MVP: variants seen among roughly 807,000 people sequenced by gnomAD.
MVP encodes major vault protein, also known as lung resistance-related protein.
MVP carries 62 observed loss-of-function variants against 83.5 expected under a neutral mutation model. The observed-to-expected ratio is 0.74, with a 90% CI of 0.61 to 0.92. The LOEUF (loss-of-function observed/expected upper bound fraction) is 0.92. MVP is among the 40% of genes least tolerant of loss of function. The pLI, the probability that MVP is intolerant of heterozygous loss-of-function variation, is 0.00. For missense variants in MVP, 1,000 were observed against 1,203.4 expected, an observed-to-expected ratio of 0.83 and a Z score of 2.50; for synonymous variants, 505 against 504.1, an observed-to-expected ratio of 1.00 and a Z score of -0.02.
intron 6 of MVP, 92 bp from the exon 7 acceptor site, chr16:29,836,630 G>A: frequency 2.1e-6 from 2 of 958,034 alleles, no homozygotes; most frequent in Non-Finnish European, 3.1e-6. Context: ...CTGAGATCTG[G>A]GAGCATTGGG....
At chr16:29,836,577 T>TAAAAAAA in intron 6 of MVP, 145 bp from the exon 7 acceptor site, 1 of 578,176 alleles carries the variant, frequency 1.7e-6, no homozygotes, top group Non-Finnish European at 2.8e-6. Flanking sequence ...GACTCCGATT[T>TAAAAAAA]AAAAAAAAAA....
chr16:29,842,436 G>A (rs1294491534), intron 10 of MVP, among the ~76,000 whole-genome samples: 1 of 152,088 alleles, frequency 6.6e-6, no homozygotes, highest in Non-Finnish European at 1.5e-5. Flanking sequence ...CTCCCAAGTG[G>A]CTAGGATTAC....
rs997290717 is a variant in MVP at position 29,821,393 on chromosome 16, T to G, written c.-36+883T>G. On this transcript the variant is annotated intron_variant, in intron 1 of 14. Transcript: ENST00000357402. ...CCCTCTGTATGTAGCCTTGAGCAGGTAGGGGGGCCACCTTGAGTGGGTGGC... is the reference window on the plus strand; with the variant it reads ...CCCTCTGTATGTAGCCTTGAGCAGGGAGGGGGGCCACCTTGAGTGGGTGGC... 9.2e-5 allele frequency: 14 copies of G among 152,074 alleles called. 1 individual carries two copies. Among genetic ancestry groups the G allele is most frequent in the Admixed American group, 4.6e-4 (7 of 15,258 alleles). 9.4% of individuals were successfully genotyped at this position (152,074 alleles called of 1,614,324 possible).
At chr16:29,828,348 A>G (rs988137464) in intron 1 of MVP, among the ~76,000 whole-genome samples, 1 of 152,074 alleles carries the variant, frequency 6.6e-6, no homozygotes, top group African/African-American at 2.4e-5. Context: ...TCATTGTAGA[A>G]AGCTCTATTG....
At chr16:29,828,350 G>T (rs998609535) in intron 1 of MVP, among the ~76,000 whole-genome samples, 2 of 152,108 alleles carry the variant, frequency 1.3e-5, no homozygotes, top group African/African-American at 4.8e-5. Flanking sequence ...ATTGTAGAAA[G>T]CTCTATTGGA....
chr16:29,846,301 A>G lies in MVP; in HGVS notation c.2265+17A>G, dbSNP rs1165378138. ...ATTGAAACGGTGAGTGGGGGGAGGCATTAAGAAGAGGGTGGCCTTGAGTCC... is the reference window on the plus strand; with the variant it reads ...ATTGAAACGGTGAGTGGGGGGAGGCGTTAAGAAGAGGGTGGCCTTGAGTCC... On this transcript the variant is annotated intron_variant, in intron 13 of 14. Coordinates refer to ENST00000357402, the MANE Select transcript of MVP (RefSeq NM_005115.5). 7 of 1,549,660 alleles carry G rather than the reference A, an allele frequency of 4.5e-6. 1 individual carries two copies. Among genetic ancestry groups the G allele is most frequent in the Non-Finnish European group, 6.1e-6 (7 of 1,145,508 alleles).
At position 29,846,298 on chromosome 16, in the gene MVP, G is replaced by A. The variant is rs1474664902; in HGVS notation, c.2265+14G>A. The A allele has an allele frequency of 3.2e-6, 5 of 1,551,052 alleles. No individual in the cohort carries two copies. Among genetic ancestry groups the A allele is most frequent in the Non-Finnish European group, 4.4e-6 (5 of 1,146,206 alleles). ...GCCATTGAAACGGTGAGTGGGGGGA[G>A]GCATTAAGAAGAGGGTGGCCTTGAG... On this transcript the variant is annotated intron_variant, in intron 13 of 14. Coordinates refer to ENST00000357402, the MANE Select transcript of MVP (RefSeq NM_005115.5).
At position 29,839,783 on chromosome 16, in the gene MVP, C is replaced by CAAA. The variant is rs71373206; in HGVS notation, c.910-372_910-370dup. Among the ~76,000 whole-genome samples, 436 of 46,970 alleles carry CAAA rather than the reference C, an allele frequency of 9.3e-3. 32 individuals carry two copies. The highest frequency in any genetic ancestry group is 0.026 in the African/African-American group (272 of 10,322). 30.8% of individuals were successfully genotyped at this position (46,970 alleles called of 152,430 possible). ...CCTGGGCAAGAGAGGAAGACTATCT[C>CAAA]AAAAAAAAAAAAAAAAAAAAAAAAA... On this transcript the variant is annotated intron_variant, in intron 7 of 14. Coordinates refer to ENST00000357402, the MANE Select transcript of MVP (RefSeq NM_005115.5).
Position 29,841,484 on chromosome 16 carries a change from T to C in MVP, c.1192-112T>C. The C allele has an allele frequency of 2.2e-6, 3 of 1,351,574 alleles. No homozygotes were observed. Among genetic ancestry groups the C allele is most frequent in the Non-Finnish European group, 3.0e-6 (3 of 1,009,978 alleles). The allele number at this position is 1,351,574 out of a possible 1,614,324, so 83.7% of individuals were successfully genotyped here. A position where few individuals can be genotyped will look rare whatever the true frequency, so the allele number is the denominator to read the frequency against. ...GAGCCTGGCCTCCCCGTAGAGAAGG[T>C]GTTTAACCTCGTGGCGCGCCTTCCC... On this transcript the variant is annotated intron_variant, in intron 8 of 14. Transcript: ENST00000357402. This position sits in a 1 kb window ranked among gnomAD's most constrained non-coding sequence, Gnocchi z 4.7.
chr16:29,828,035 A>G lies in MVP; in HGVS notation c.-35-2480A>G, dbSNP rs1030256924. ...TAGTGCAATGGCGAGATCTTGGCTC[A>G]CTGCAACCTCTGCCTCCCAGGTTCA... is the stretch of plus-strand genomic sequence containing the variant. On this transcript the variant is annotated intron_variant, in intron 1 of 14. Coordinates refer to ENST00000357402, the MANE Select transcript of MVP (RefSeq NM_005115.5). 6.6e-5 allele frequency among the ~76,000 whole-genome samples: 10 copies of G among 152,134 alleles called. No homozygotes were observed. The South Asian group carries it at 2.1e-3, about 32-fold the overall frequency.
intron 10 of MVP, among the ~76,000 whole-genome samples, chr16:29,843,118 A>G (rs1027880174): frequency 4.6e-5 from 7 of 152,274 alleles, no homozygotes; most frequent in Admixed American, 2.6e-4. Context: ...GAAAAGATGC[A>G]ATGAGTGTTA....
intron 1 of MVP, among the ~76,000 whole-genome samples, chr16:29,821,706 CTG>C (rs770370845): frequency 5.3e-5 from 8 of 152,230 alleles, no homozygotes; most frequent in Non-Finnish European, 1.0e-4. Context: ...CCTTTGATAA[CTG>C]TGTGCTCTTG....
At chr16:29,837,244 A>G (rs1166491810) in intron 7 of MVP, among the ~76,000 whole-genome samples, 1 of 152,206 alleles carries the variant, frequency 6.6e-6, no homozygotes, top group Non-Finnish European at 1.5e-5. Context: ...AATGATGGGG[A>G]TACATTCTGA....
intron 1 of MVP, chr16:29,826,018 T>G (rs1239195582): frequency 6.6e-6 from 1 of 152,268 alleles, no homozygotes; most frequent in Non-Finnish European, 1.5e-5. Flanking sequence ...TACTTGCTGT[T>G]CCATCCCTGC....
At chr16:29,831,105 C>T in intron 3 of MVP, 32 bp downstream of exon 3, 1 of 1,588,242 alleles carries the variant, frequency 6.3e-7, no homozygotes, top group Non-Finnish European at 8.6e-7. Context: ...TATGCCCCAC[C>T]CTACCTGTCC....
intron 1 of MVP, among the ~76,000 whole-genome samples, chr16:29,827,023 T>TG (rs1280151417): frequency 6.6e-6 from 1 of 150,972 alleles, no homozygotes; most frequent in Non-Finnish European, 1.5e-5. Context: ...GTGGAGCAAC[T>TG]GGGGGGTGGA....
chr16:29,841,712 CAG>C lies in MVP; in HGVS notation c.1309_1310del (p.Arg437GlyfsTer2), dbSNP rs2067536266. 1.9e-6 allele frequency: 3 copies of C among 1,612,754 alleles called. No homozygotes were observed. On this transcript the variant is annotated frameshift_variant, in exon 9 of 15. Transcript: ENST00000357402. LOFTEE classifies it high-confidence loss of function. This position sits in a 1 kb window ranked among gnomAD's most constrained non-coding sequence, Gnocchi z 4.7. ...LNKGQDPLAD[R>X]GEKDTAKSLQ... is the part of the protein sequence containing the mutation. ...ACAAGGGGCAGGACCCTCTGGCAGACAGGGGTGAGAAGGACACAGCTAAGAGC... is the reference window on the plus strand; with the variant it reads ...ACAAGGGGCAGGACCCTCTGGCAGACGGGTGAGAAGGACACAGCTAAGAGC...
chr16:29,840,348 C>CG lies in MVP; in HGVS notation c.1082dup (p.Pro362ThrfsTer78), dbSNP rs1224185614. 3 of 1,608,560 alleles carry CG rather than the reference C, an allele frequency of 1.9e-6. No homozygotes were observed. The African/African-American group carries it at 4.0e-5, about 21-fold the overall frequency. On this transcript the variant is annotated frameshift_variant, in exon 8 of 15. Transcript: ENST00000357402. LOFTEE classifies it high-confidence loss of function. ...AGGCTGGGGACCACTGGCTCATCCG[C>CG]GGACCCCTGGAGTATGTGCCATCTG... is the stretch of plus-strand genomic sequence containing the variant.
At chr16:29,828,431 G>A (rs2067418573) in intron 1 of MVP, among the ~76,000 whole-genome samples, 1 of 152,088 alleles carries the variant, frequency 6.6e-6, no homozygotes, top group Non-Finnish European at 1.5e-5. Flanking sequence ...CCAGGCTGGA[G>A]TGCAATGGCA....
Sources: allele counts gnomAD v4.1 joint callset (sites outside exome capture counted in the v4.1 genomes callset), GRCh38; gene constraint gnomAD v4.1.1; non-coding constraint Gnocchi (gnomAD v3.1); transcripts MANE v1.5; gene names NCBI Gene and HGNC (gene_info 2026-07-23, HGNC 2026-07-21).